Variants in EYS observed in about 807,000 individuals in gnomAD.
The protein encoded by EYS is protein eyes shut homolog.
A neutral mutation model predicts 282.1 loss-of-function variants in EYS; 250 were observed. The ratio of observed to expected loss-of-function variants is 0.89; its 90% CI spans 0.80 to 0.98. The LOEUF is 0.98. Ranked by LOEUF, EYS falls within the 50% of genes least tolerant of loss-of-function variation. The probability of loss-of-function intolerance (pLI) is 0.00; values close to 1 mark genes in which losing one functional copy is unlikely to be tolerated. For synonymous variants in EYS, 1,355 were observed against 1,282.9 expected (o/e 1.06, Z -1.20); for missense variants, 4,016 against 3,709.0 (o/e 1.08, Z -2.15).
At chr6:65,061,815 G>T (rs1225004162) in intron 12 of EYS, among the ~76,000 whole-genome samples, 1 of 151,834 alleles carries the variant, frequency 6.6e-6, no homozygotes, top group Non-Finnish European at 1.5e-5. Flanking sequence ...GAACCATCAT[G>T]TAGGAATCAT....
intron 8 of EYS, among the ~76,000 whole-genome samples, chr6:65,382,171 G>A (rs945837013): frequency 2.3e-4 from 32 of 138,434 alleles, no homozygotes; most frequent in Admixed American, 2.2e-3. Context: ...ATCTAACAAA[G>A]TTTAGTCTAA....
intron 22 of EYS, among the ~76,000 whole-genome samples, chr6:64,654,574 T>A (rs991865685): frequency 2.3e-4 from 35 of 152,310 alleles, no homozygotes; most frequent in Admixed American, 2.3e-3. Flanking sequence ...GAGCTGGGGC[T>A]TGCACTGTAT....
chr6:65,606,376 A>G (rs1434650642), intron 2 of EYS, among the ~76,000 whole-genome samples: 13 of 151,930 alleles, frequency 8.6e-5, no homozygotes, highest in Non-Finnish European at 2.9e-5. Context: ...TTGCCTAAAG[A>G]AAGCATACGA....
chr6:64,409,251 G>A (rs1773813158), intron 28 of EYS, among the ~76,000 whole-genome samples: 1 of 152,098 alleles, frequency 6.6e-6, no homozygotes. Context: ...GTACTGCAAT[G>A]CACATATGAC....
intron 12 of EYS, among the ~76,000 whole-genome samples, chr6:65,253,694 C>G (rs1043430426): frequency 4.6e-5 from 7 of 151,770 alleles, no homozygotes; most frequent in Non-Finnish European, 7.4e-5. Context: ...ATAGAAGTCA[C>G]TGTAGACCAT....
At chr6:65,137,406 G>A (rs1224930501) in intron 12 of EYS, among the ~76,000 whole-genome samples, 1 of 152,074 alleles carries the variant, frequency 6.6e-6, no homozygotes, top group Non-Finnish European at 1.5e-5. Context: ...AGGTTGAGAG[G>A]TAAGACTGTA....
At chr6:64,851,242 C>A (rs537074381) in intron 19 of EYS, among the ~76,000 whole-genome samples, 1 of 152,032 alleles carries the variant, frequency 6.6e-6, no homozygotes, top group Non-Finnish European at 1.5e-5. Context: ...AGAATTATTC[C>A]TATGACTTGA....
intron 35 of EYS, among the ~76,000 whole-genome samples, chr6:63,890,030 A>G (rs1773367717): frequency 6.6e-6 from 1 of 152,242 alleles, no homozygotes; most frequent in African/African-American, 2.4e-5. Context: ...GCATTACATA[A>G]TGGTAAAGGA....
In EYS at chr6:65,165,933, C is replaced by T. The variant is rs115243234; in HGVS notation, c.2024-108206G>A. On this transcript the variant is annotated intron_variant, in intron 12 of 42. Coordinates refer to ENST00000503581, the MANE Select transcript of EYS (RefSeq NM_001142800.2). ...TGAAAATCAATAATATTTCTGTACA[C>T]ATGCAATAAACAATCCCTAAATGAA... is the stretch of plus-strand genomic sequence containing the variant. Among the ~76,000 whole-genome samples the T allele has an allele frequency of 1.9e-3, 285 of 151,146 alleles. 1 individual carries two copies. Among genetic ancestry groups the T allele is most frequent in the African/African-American group, 6.6e-3 (272 of 41,378 alleles).
intron 36 of EYS, among the ~76,000 whole-genome samples, chr6:63,846,478 G>A (rs568709342): frequency 5.4e-4 from 82 of 152,266 alleles, no homozygotes; most frequent in African/African-American, 1.9e-3. Flanking sequence ...AACAAAAAAA[G>A]ATGAGATTCA....
intron 31 of EYS, among the ~76,000 whole-genome samples, chr6:64,088,105 T>C (rs916088957): frequency 1.3e-5 from 2 of 152,086 alleles, no homozygotes. Flanking sequence ...TCTAACCATA[T>C]TAATTTTCAT....
rs1354436914 is a variant in EYS, at chr6:64,590,696, T to A, written c.5171A>T (p.Asp1724Val). The A allele has an allele frequency of 1.9e-6, 3 of 1,551,154 alleles. No individual in the cohort carries two copies. Among genetic ancestry groups the A allele is most frequent in the Non-Finnish European group, 2.6e-6 (3 of 1,146,582 alleles). Reference sequence around the variant, plus strand: ...ATGAGATCCTTTACTTTTTTCCATGTCCAATAAGCTCTCTTGATTTAGTAC... The same window carrying A: ...ATGAGATCCTTTACTTTTTTCCATGACCAATAAGCTCTCTTGATTTAGTAC... The part of the protein sequence containing the change: ...TEVLNQESLL[D>V]MEKSKGSHTL... The change falls in exon 26 of 43, where the codon GAC becomes GTC. Residue 1724 changes from aspartate (D) to valine (V), a missense_variant. By Grantham distance (152) the Asp-to-Val change is radical (BLOSUM62 -3). Coordinates refer to ENST00000503581, the MANE Select transcript of EYS (RefSeq NM_001142800.2).
chr6:64,203,180 G>C (rs1163376454), intron 31 of EYS, among the ~76,000 whole-genome samples: 1 of 152,202 alleles, frequency 6.6e-6, no homozygotes, highest in Non-Finnish European at 1.5e-5. Context: ...AAATGTGCCA[G>C]ATGTCTGCTG....
At chr6:64,254,949 G>A (rs1767341690) in intron 30 of EYS, among the ~76,000 whole-genome samples, 1 of 152,042 alleles carries the variant, frequency 6.6e-6, no homozygotes, top group African/African-American at 2.4e-5. Context: ...AAGGAAATTT[G>A]ATGTTAAAGA....
At chr6:64,107,271 GTATATATATATATTTATA>G (rs1773049459) in intron 31 of EYS, among the ~76,000 whole-genome samples, 1 of 99,952 alleles carries the variant, frequency 1.0e-5, no homozygotes, top group South Asian at 3.1e-4. Flanking sequence ...GTGTGTGTGT[GTATATATATATATTTATA>G]TATATATATA....
At chr6:64,858,691 T>A (rs1766144858) in intron 19 of EYS, among the ~76,000 whole-genome samples, 2 of 151,998 alleles carry the variant, frequency 1.3e-5, no homozygotes, top group Admixed American at 6.6e-5. Flanking sequence ...ACACAAACAA[T>A]AAATGCAGGA....
intron 13 of EYS, among the ~76,000 whole-genome samples, chr6:64,999,580 C>T (rs1273924851): frequency 6.6e-6 from 1 of 152,162 alleles, no homozygotes; most frequent in African/African-American, 2.4e-5. Flanking sequence ...CCCAAGACCA[C>T]CCTGTCCCAC....
At chr6:64,120,077 G>C (rs1323802249) in intron 31 of EYS, among the ~76,000 whole-genome samples, 1 of 151,754 alleles carries the variant, frequency 6.6e-6, no homozygotes, top group African/African-American at 2.4e-5. Context: ...GCCAGGCGTG[G>C]TGGCTTACAC....
At chr6:65,117,799 G>A (rs1775420071) in intron 12 of EYS, among the ~76,000 whole-genome samples, 1 of 152,188 alleles carries the variant, frequency 6.6e-6, no homozygotes, top group South Asian at 2.1e-4. Flanking sequence ...AATTAAATAT[G>A]TTATTAATGC....
Sources: gnomAD v4.1 joint callset for allele counts (sites outside exome capture counted in the v4.1 genomes callset) on GRCh38, gnomAD v4.1.1 for gene constraint, MANE v1.5 for transcripts, NCBI Gene and HGNC (gene_info 2026-07-23, HGNC 2026-07-21) for gene names.